Variants in TULP4 observed in about 807,000 individuals in gnomAD.
The protein encoded by TULP4 is TUB like protein 4.
TULP4 carries 16 observed loss-of-function variants against 129.0 expected under a neutral mutation model. The ratio of observed to expected loss-of-function variants is 0.12; its 90% CI spans 0.08 to 0.19. The LOEUF (loss-of-function observed/expected upper bound fraction) is 0.19, where lower values mean the gene tolerates loss of function less well. Ranked by LOEUF, TULP4 falls within the 10% of genes least tolerant of loss-of-function variation. The probability of loss-of-function intolerance (pLI) is 1.00; values close to 1 mark genes in which losing one functional copy is unlikely to be tolerated. For synonymous variants in TULP4, 998 were observed against 854.0 expected, an observed-to-expected ratio of 1.17 and a Z score of -2.94; for missense variants, 1,842 against 2,059.1, an observed-to-expected ratio of 0.89 and a Z score of 2.04.
At chr6:158,288,623 C>T (rs1235484324) in intron 1 of TULP4, among the ~76,000 whole-genome samples, 2 of 152,018 alleles carry the variant, frequency 1.3e-5, no homozygotes, top group Admixed American at 6.6e-5. Flanking sequence ...GCCTCAGACT[C>T]CGGAGTAGCT....
At chr6:158,348,280 C>T (rs975227779) in intron 1 of TULP4, among the ~76,000 whole-genome samples, 18 of 149,982 alleles carry the variant, frequency 1.2e-4, no homozygotes, top group East Asian at 1.2e-3. Flanking sequence ...CAGATAAACA[C>T]GTGAACAAAA....
intron 1 of TULP4, among the ~76,000 whole-genome samples, chr6:158,381,126 C>T (rs964395977): frequency 1.3e-5 from 2 of 149,382 alleles, no homozygotes; most frequent in South Asian, 2.1e-4. Context: ...TTGGGAGAAA[C>T]GACTGCAGGC....
intron 1 of TULP4, among the ~76,000 whole-genome samples, chr6:158,355,573 G>A (rs1276394574): frequency 6.6e-6 from 1 of 152,156 alleles, no homozygotes; most frequent in Admixed American, 6.5e-5. Context: ...AGGAGGGGAG[G>A]AGGGACTGGG....
chr6:158,450,230 C>A (rs1378381863), intron 4 of TULP4, among the ~76,000 whole-genome samples: 1 of 152,198 alleles, frequency 6.6e-6, no homozygotes, highest in African/African-American at 2.4e-5. Context: ...GCTGTGCTTA[C>A]ACTGCTGTGT....
rs973216016 is a variant in TULP4, at chr6:158,313,005, T to C, written c.-1012T>C. On this transcript the variant is annotated 5_prime_UTR_variant, in exon 1 of 14. An upstream start codon of the reference 5' UTR is lost. Coordinates refer to ENST00000367097, the MANE Select transcript of TULP4 (RefSeq NM_020245.5). ...CTAAGATTAGCTTTTTTCATCAAGATGGAAAAAGATCTTTAGGAGCAGAAA... is the reference window on the plus strand; with the variant it reads ...CTAAGATTAGCTTTTTTCATCAAGACGGAAAAAGATCTTTAGGAGCAGAAA... The C allele has an allele frequency of 6.5e-6, 1 of 152,980 alleles. No homozygotes were observed. Among genetic ancestry groups the C allele is most frequent in the African/African-American group, 2.4e-5 (1 of 41,484 alleles). 9.5% of individuals were successfully genotyped at this position (152,980 alleles called of 1,614,324 possible). A position where few individuals can be genotyped will look rare whatever the true frequency, so the allele number is the denominator to read the frequency against.
chr6:158,328,919 A>G (rs936521383), intron 1 of TULP4, among the ~76,000 whole-genome samples: 4 of 152,198 alleles, frequency 2.6e-5, no homozygotes, highest in African/African-American at 9.7e-5. Context: ...TGCACTGGGC[A>G]GTGGGTATCG....
At chr6:158,369,253 G>A (rs1777015842) in intron 1 of TULP4, among the ~76,000 whole-genome samples, 1 of 152,078 alleles carries the variant, frequency 6.6e-6, no homozygotes, top group Non-Finnish European at 1.5e-5. Flanking sequence ...CAGAACTTTG[G>A]GAGGCCAGAC....
intron 1 of TULP4, among the ~76,000 whole-genome samples, chr6:158,306,417 G>A (rs1779217180): frequency 6.6e-6 from 1 of 152,138 alleles, no homozygotes; most frequent in Non-Finnish European, 1.5e-5. Context: ...AGTTAGCCGG[G>A]CATGGCGGCA....
intron 1 of TULP4, among the ~76,000 whole-genome samples, chr6:158,298,666 G>A (rs1331930731): frequency 6.6e-6 from 1 of 152,222 alleles, no homozygotes; most frequent in Non-Finnish European, 1.5e-5. Context: ...GCATTGGACA[G>A]TTTGATTGTT....
At chr6:158,247,857 G>C (rs777271151) in intron 1 of TULP4, among the ~76,000 whole-genome samples, 2 of 152,206 alleles carry the variant, frequency 1.3e-5, no homozygotes, top group Non-Finnish European at 2.9e-5. Flanking sequence ...TTCATGAAAA[G>C]TTGATCAGCA....
At chr6:158,436,439 A>G (rs960944426) in intron 3 of TULP4, among the ~76,000 whole-genome samples, 2 of 152,240 alleles carry the variant, frequency 1.3e-5, no homozygotes, top group African/African-American at 4.8e-5. Flanking sequence ...TTCACTTTAT[A>G]TAGTGGATGA....
intron 1 of TULP4, among the ~76,000 whole-genome samples, chr6:158,239,590 T>C (rs1583664698): frequency 4.1e-5 from 2 of 48,342 alleles, no homozygotes; most frequent in Non-Finnish European, 8.8e-5. Flanking sequence ...GCAGGGGGGC[T>C]GACCCCCCCC....
At chr6:158,375,135 C>A (rs767665724) in intron 1 of TULP4, among the ~76,000 whole-genome samples, 7 of 151,892 alleles carry the variant, frequency 4.6e-5, no homozygotes, top group Non-Finnish European at 1.0e-4. Context: ...CCCAGCTACT[C>A]GGGAGGCTGA....
chr6:158,351,707 C>CTTTTTTTT lies in TULP4; in HGVS notation c.252+37461_252+37468dup, dbSNP rs1160814801. ...AGTAGCATCTTTTTGTGTTGTTAAA[C>CTTTTTTTT]TTTTTTTTTTTTTTTTTTTTTTTTT... is the stretch of plus-strand genomic sequence containing the variant. On this transcript the variant is annotated intron_variant, in intron 1 of 13. Transcript: ENST00000367097. Among the ~76,000 whole-genome samples the CTTTTTTTT allele has an allele frequency of 7.7e-4, 39 of 50,518 alleles. 9 individuals are homozygous for CTTTTTTTT. The highest frequency in any genetic ancestry group is 2.1e-3 in the African/African-American group (26 of 12,262). 33.1% of individuals were successfully genotyped at this position (50,518 alleles called of 152,430 possible).
chr6:158,313,916 C>T lies in TULP4; in HGVS notation c.-101C>T, dbSNP rs777049551. ...CTTAATTAAAGGGGGAAAAAAGCAA[C>T]GCAAGCCAACCACAAAAACACATAT... On this transcript the variant is annotated 5_prime_UTR_variant, in exon 1 of 14. The change creates a new upstream start codon in the 5' untranslated region. Coordinates refer to ENST00000367097, the MANE Select transcript of TULP4 (RefSeq NM_020245.5). The T allele has an allele frequency of 1.9e-5, 27 of 1,413,232 alleles. No homozygotes were observed. Among genetic ancestry groups the T allele is most frequent in the African/African-American group, 4.3e-5 (3 of 69,864 alleles). The allele number at this position is 1,413,232 out of a possible 1,614,324, so 87.5% of individuals were successfully genotyped here.
At position 158,388,322 on chromosome 6, in the gene TULP4, C is replaced by CTTTTTTTTTTTTTT. The variant is rs10650311; in HGVS notation, c.253-24731_253-24718dup. ...AAAGAAAAATAATCTGCTCGTTTTTCTTTTTTTTTTTTTTTTTTTTTTTTT... is the reference window on the plus strand; with the variant it reads ...AAAGAAAAATAATCTGCTCGTTTTTCTTTTTTTTTTTTTTTTTTTTTTTTTTTTTTTTTTTTTTT... On this transcript the variant is annotated intron_variant, in intron 1 of 13. Coordinates refer to ENST00000367097, the MANE Select transcript of TULP4 (RefSeq NM_020245.5). Among the ~76,000 whole-genome samples the CTTTTTTTTTTTTTT allele has an allele frequency of 2.3e-4, 20 of 86,262 alleles. 1 individual carries two copies. The highest frequency in any genetic ancestry group is 4.2e-4 in the East Asian group (1 of 2,390). The allele number at this position is 86,262 out of a possible 152,430, so 56.6% of individuals were successfully genotyped here. A position where few individuals can be genotyped will look rare whatever the true frequency, so the allele number is the denominator to read the frequency against.
chr6:158,481,967 C>T (rs1159445480), intron 8 of TULP4, among the ~76,000 whole-genome samples: 1 of 152,180 alleles, frequency 6.6e-6, no homozygotes, highest in African/African-American at 2.4e-5. Flanking sequence ...GTGCACCCAT[C>T]AGTCACTGCC....
upstream of TULP4, among the ~76,000 whole-genome samples, chr6:158,278,263 A>G (rs1456267542): frequency 1.3e-5 from 2 of 152,200 alleles, no homozygotes; most frequent in Non-Finnish European, 2.9e-5. Context: ...ACTGTGTGGT[A>G]CAATGAGCTG....
chr6:158,455,862 C>T (rs887787949), intron 5 of TULP4, among the ~76,000 whole-genome samples: 1 of 152,146 alleles, frequency 6.6e-6, no homozygotes, highest in Admixed American at 6.5e-5. Flanking sequence ...GAAAAAGCTT[C>T]CCTTCTGTCC....
Sources: gnomAD v4.1 joint callset for allele counts (sites outside exome capture counted in the v4.1 genomes callset) on GRCh38, gnomAD v4.1.1 for gene constraint, MANE v1.5 for transcripts, NCBI Gene and HGNC (gene_info 2026-07-23, HGNC 2026-07-21) for gene names.